LRRC4B: variants seen among roughly 807,000 people sequenced by gnomAD.
The protein encoded by LRRC4B is leucine-rich repeat-containing protein 4B.
A neutral mutation model predicts 7.3 loss-of-function variants in LRRC4B; 1 was observed. That is an observed-to-expected ratio of 0.14 (90% CI 0.05 to 0.65). The LOEUF (loss-of-function observed/expected upper bound fraction) is 0.65. Ranked by LOEUF, LRRC4B falls within the 30% of genes least tolerant of loss-of-function variation. The pLI is 0.84. For synonymous variants in LRRC4B, 500 were observed against 499.2 expected (o/e 1.00, Z -0.02); for missense variants, 730 against 1,041.6 (o/e 0.70, Z 4.12).
chr19:50,527,359 T>C (rs1247787735), intron 2 of LRRC4B, among the ~76,000 whole-genome samples: 3 of 150,178 alleles, frequency 2.0e-5, no homozygotes, highest in Admixed American at 6.6e-5. Context: ...TTTTTTTTTT[T>C]TTTTTTTTAG....
Position 50,548,888 on chromosome 19 carries a change from G to T in LRRC4B, c.-35-15C>A. The stretch of plus-strand genomic sequence containing the variant: ...ACGCTGGGGGGCTGTGGGTGGGGGA[G>T]AGAAGGGGGAGAGGCTTGGTGAGGG... On this transcript the variant is annotated splice_polypyrimidine_tract_variant and intron_variant, in intron 1 of 2. Coordinates refer to ENST00000652263, the MANE Select transcript of LRRC4B (RefSeq NM_001080457.2). The surrounding 1 kb of genome is among the most constrained non-coding windows in gnomAD (Gnocchi z 6.8). 9.1e-7 allele frequency: 1 copy of T among 1,101,112 alleles called. No homozygotes were observed. Among genetic ancestry groups the T allele is most frequent in the Non-Finnish European group, 1.3e-6 (1 of 797,400 alleles). The allele number at this position is 1,101,112 out of a possible 1,614,324, so 68.2% of individuals were successfully genotyped here. A position where few individuals can be genotyped will look rare whatever the true frequency, so the allele number is the denominator to read the frequency against.
intron 2 of LRRC4B, among the ~76,000 whole-genome samples, chr19:50,534,249 G>T (rs1222991665): frequency 6.6e-6 from 1 of 152,202 alleles, no homozygotes; most frequent in Non-Finnish European, 1.5e-5. Flanking sequence ...AGGCTGCCCT[G>T]GTTGCAGGGG....
Position 50,568,421 on chromosome 19 carries a change from C to T in LRRC4B, c.-513G>A, listed in dbSNP as rs1018973450. Among the ~76,000 whole-genome samples the T allele has an allele frequency of 1.6e-3, 221 of 134,866 alleles. No individual in the cohort carries two copies. Among genetic ancestry groups the T allele is most frequent in the African/African-American group, 5.9e-3 (210 of 35,588 alleles). 88.5% of individuals were successfully genotyped at this position (134,866 alleles called of 152,430 possible). On this transcript the variant is annotated 5_prime_UTR_variant, in exon 1 of 3. Coordinates refer to ENST00000652263, the MANE Select transcript of LRRC4B (RefSeq NM_001080457.2). ...CGAGAGCAGCCGAGAGCGGCGGAGA[C>T]GGGAGCGGAATACTGATGATGGTGG...
intron 2 of LRRC4B, among the ~76,000 whole-genome samples, chr19:50,536,802 T>TGGAAGGGTGGGAA (rs1981314551): frequency 6.6e-6 from 1 of 152,016 alleles, no homozygotes; most frequent in East Asian, 1.9e-4. Flanking sequence ...GGCAAGTTTC[T>TGGAAGGGTGGGAA]GGAAGGGTGG....
At position 50,563,006 on chromosome 19, in the gene LRRC4B, T is replaced by G. The variant is rs1487718901; in HGVS notation, c.-36+4938A>C. On this transcript the variant is annotated intron_variant, in intron 1 of 2. Transcript: ENST00000652263. The surrounding 1 kb of genome is among the most constrained non-coding windows in gnomAD (Gnocchi z 4.9). ...CCACCCGCCTCAGCCTCCCAAAGTG[T>G]TGAGACGGCGTGAGCCACCATGCCT... Among the ~76,000 whole-genome samples the G allele has an allele frequency of 6.6e-6, 1 of 152,044 alleles. No homozygotes were observed. The highest frequency in any genetic ancestry group is 2.1e-4 in the South Asian group (1 of 4,820).
chr19:50,519,805 G>A lies in LRRC4B; in HGVS notation c.298-390C>T, dbSNP rs1487818657. Among the ~76,000 whole-genome samples, 3 of 151,988 alleles carry A rather than the reference G, an allele frequency of 2.0e-5. No individual in the cohort carries two copies. The highest frequency in any genetic ancestry group is 2.1e-4 in the South Asian group (1 of 4,822). ...CGAGAATCACTTGAACCCAGGAGGCGGAGTCTGCAGTGAGTCGAGATAGTG... is the reference window on the plus strand; with the variant it reads ...CGAGAATCACTTGAACCCAGGAGGCAGAGTCTGCAGTGAGTCGAGATAGTG... On this transcript the variant is annotated intron_variant, in intron 2 of 2. Coordinates refer to ENST00000652263, the MANE Select transcript of LRRC4B (RefSeq NM_001080457.2). This position sits in a 1 kb window ranked among gnomAD's most constrained non-coding sequence, Gnocchi z 8.1.
chr19:50,539,820 G>A (rs750036792), intron 2 of LRRC4B, among the ~76,000 whole-genome samples: 1 of 150,966 alleles, frequency 6.6e-6, no homozygotes, highest in Non-Finnish European at 1.5e-5. Context: ...CCGAGAGGTG[G>A]AAGTTGCAGT....
chr19:50,533,018 G>C (rs2122831214), intron 2 of LRRC4B, among the ~76,000 whole-genome samples: 1 of 152,316 alleles, frequency 6.6e-6, no homozygotes, highest in East Asian at 1.9e-4. Flanking sequence ...GTGCACGTCT[G>C]AGATCATTAA....
chr19:50,530,626 GCTGCT>G (rs1212808923), intron 2 of LRRC4B, among the ~76,000 whole-genome samples: 1 of 152,220 alleles, frequency 6.6e-6, no homozygotes, highest in Non-Finnish European at 1.5e-5. Flanking sequence ...AGCCTTGCGA[GCTGCT>G]CTGAAGGCTT....
At position 50,518,093 on chromosome 19, in the gene LRRC4B, T is replaced by A; in HGVS notation, c.1620A>T (p.Ala540=). The change falls in exon 3 of 3, where the codon GCA becomes GCT. Residue 540 remains alanine, a synonymous_variant. Coordinates refer to ENST00000652263, the MANE Select transcript of LRRC4B (RefSeq NM_001080457.2). ...TGGGCCGCGAGGAGCGCGGGGCGGG[T>A]GCCGTGGTAGAAGACGAGGCAGGGC... is the stretch of plus-strand genomic sequence containing the variant. The part of the protein sequence containing the change: ...AAGPASSSTT[A]PAPRSSRPTE... 6.3e-7 allele frequency: 1 copy of A among 1,596,152 alleles called. No homozygotes were observed. The highest frequency in any genetic ancestry group is 8.5e-7 in the Non-Finnish European group (1 of 1,174,210).
At position 50,518,711 on chromosome 19, in the gene LRRC4B, C is replaced by T; in HGVS notation, c.1002G>A (p.Thr334=). 6.2e-7 allele frequency: 1 copy of T among 1,613,912 alleles called. No homozygotes were observed. The highest frequency in any genetic ancestry group is 8.5e-7 in the Non-Finnish European group (1 of 1,179,944). The change falls in exon 3 of 3, where the codon ACG becomes ACA. Residue 334 remains threonine, a synonymous_variant. Coordinates refer to ENST00000652263, the MANE Select transcript of LRRC4B (RefSeq NM_001080457.2). ...WWLKETVPSN[T]TCCARCHAPA... ...GCGCATGACAGCGGGCGCAGCACGT[C>T]GTGTTGCTGGGCACCGTCTCCTTGA...
intron 1 of LRRC4B, among the ~76,000 whole-genome samples, chr19:50,551,440 C>A (rs542338568): frequency 8.0e-5 from 12 of 150,376 alleles, no homozygotes; most frequent in Non-Finnish European, 1.5e-4. Context: ...TCGCCTCCTC[C>A]GGTCTCCTTC....
Position 50,548,281 on chromosome 19 carries a change from G to A in LRRC4B, c.297+261C>T, listed in dbSNP as rs1981896722. Among the ~76,000 whole-genome samples, 1 of 152,250 alleles carries A rather than the reference G, an allele frequency of 6.6e-6. No homozygotes were observed. The highest frequency in any genetic ancestry group is 1.9e-4 in the East Asian group (1 of 5,192). ...GCCGACCCGCCTGTCCTGTGCCGGGGGGGCTGGGCAGGTGGCCTGCACTTG... is the reference window on the plus strand; with the variant it reads ...GCCGACCCGCCTGTCCTGTGCCGGGAGGGCTGGGCAGGTGGCCTGCACTTG... On this transcript the variant is annotated intron_variant, in intron 2 of 2. Coordinates refer to ENST00000652263, the MANE Select transcript of LRRC4B (RefSeq NM_001080457.2). This position sits in a 1 kb window ranked among gnomAD's most constrained non-coding sequence, Gnocchi z 6.8.
intron 1 of LRRC4B, among the ~76,000 whole-genome samples, chr19:50,554,270 C>G (rs1176800953): frequency 6.6e-6 from 1 of 152,074 alleles, no homozygotes; most frequent in Non-Finnish European, 1.5e-5. Context: ...GCTGGGATGA[C>G]AGGTGTGGGC....
At chr19:50,546,496 T>C (rs1275519204) in intron 2 of LRRC4B, among the ~76,000 whole-genome samples, 8 of 152,012 alleles carry the variant, frequency 5.3e-5, no homozygotes, top group Non-Finnish European at 1.2e-4. Flanking sequence ...ACACCCTCCA[T>C]CCATGTCTCT....
At chr19:50,550,225 G>A (rs984962904) in intron 1 of LRRC4B, among the ~76,000 whole-genome samples, 2 of 152,112 alleles carry the variant, frequency 1.3e-5, no homozygotes, top group Admixed American at 6.5e-5. Context: ...AGGCCGGGAG[G>A]GCGCAGAGGG....
At chr19:50,533,053 G>A (rs745736660) in intron 2 of LRRC4B, among the ~76,000 whole-genome samples, 16 of 152,154 alleles carry the variant, frequency 1.1e-4, no homozygotes, top group Non-Finnish European at 1.6e-4. Context: ...TCTTGTGTTT[G>A]TCATCATTTT....
chr19:50,547,369 G>A (rs1981860467), intron 2 of LRRC4B, among the ~76,000 whole-genome samples: 2 of 152,076 alleles, frequency 1.3e-5, no homozygotes, highest in African/African-American at 2.4e-5. Context: ...TCTCAGGATG[G>A]TCAGATGGGA....
chr19:50,556,078 C>T lies in LRRC4B; in HGVS notation c.-35-7205G>A, dbSNP rs1982265375. On this transcript the variant is annotated intron_variant, in intron 1 of 2. Coordinates refer to ENST00000652263, the MANE Select transcript of LRRC4B (RefSeq NM_001080457.2). This position sits in a 1 kb window ranked among gnomAD's most constrained non-coding sequence, Gnocchi z 4.2. The stretch of plus-strand genomic sequence containing the variant: ...TCAAAATAAAAGCAGCCCCACAGCG[C>T]CGAGAATTGTCAGGCTTCTATGTCT... Among the ~76,000 whole-genome samples, 1 of 152,116 alleles carries T rather than the reference C, an allele frequency of 6.6e-6. No individual in the cohort carries two copies. The highest frequency in any genetic ancestry group is 1.5e-5 in the Non-Finnish European group (1 of 68,026).
Sources: gnomAD v4.1 joint callset for allele counts (sites outside exome capture counted in the v4.1 genomes callset) on GRCh38, gnomAD v4.1.1 for gene constraint, Gnocchi (gnomAD v3.1) non-coding constraint, MANE v1.5 for transcripts, NCBI Gene and HGNC (gene_info 2026-07-23, HGNC 2026-07-21) for gene names.